Variants in STK32A observed in about 807,000 individuals in gnomAD.
The protein encoded by STK32A is serine/threonine kinase 32A, also known as serine/threonine-protein kinase 32A.
Under a neutral mutation model 53.2 loss-of-function variants are expected in STK32A, and 41 were observed. That is an observed-to-expected ratio of 0.77 (90% CI 0.60 to 1.00). The LOEUF (loss-of-function observed/expected upper bound fraction) is 1.00. Ranked by LOEUF, STK32A falls within the 50% of genes least tolerant of loss-of-function variation. The probability of loss-of-function intolerance (pLI) is 0.00; values close to 1 mark genes in which losing one functional copy is unlikely to be tolerated. For synonymous variants in STK32A, 166 were observed against 162.8 expected, an observed-to-expected ratio of 1.02 and a Z score of -0.15; for missense variants, 458 against 485.8, an observed-to-expected ratio of 0.94 and a Z score of 0.54.
At chr5:147,300,700 G>A (rs552251053) in intron 4 of STK32A, among the ~76,000 whole-genome samples, 1 of 152,130 alleles carries the variant, frequency 6.6e-6, no homozygotes, top group Non-Finnish European at 1.5e-5. Flanking sequence ...TTCTTTGCAG[G>A]TCCTGGGTTC....
At chr5:147,334,639 T>C (rs1164832171) in intron 5 of STK32A, among the ~76,000 whole-genome samples, 1 of 152,170 alleles carries the variant, frequency 6.6e-6, no homozygotes, top group Non-Finnish European at 1.5e-5. Context: ...TGGAATAAAG[T>C]ATAAAAAGGG....
intron 4 of STK32A, among the ~76,000 whole-genome samples, chr5:147,293,922 T>G (rs114316116): frequency 6.9e-6 from 1 of 145,218 alleles, no homozygotes; most frequent in Non-Finnish European, 1.5e-5. Context: ...TTTATATTAG[T>G]GTGTTGTCAA....
chr5:147,384,359 CCTT>C lies in STK32A; in HGVS notation c.*379_*381del, dbSNP rs1213883345. 9.2e-6 allele frequency: 14 copies of C among 1,514,300 alleles called. No individual in the cohort carries two copies. The highest frequency in any genetic ancestry group is 4.1e-5 in the African/African-American group (3 of 72,508). The allele number at this position is 1,514,300 out of a possible 1,614,324, so 93.8% of individuals were successfully genotyped here. The stretch of plus-strand genomic sequence containing the variant: ...ATGAATATAGATTTATTTTTCCACT[CCTT>C]CTAATTATGCAGTGACAAATGGACA... On this transcript the variant is annotated 3_prime_UTR_variant, in exon 13 of 13. Coordinates refer to ENST00000397936, the MANE Select transcript of STK32A (RefSeq NM_001112724.2).
chr5:147,400,467 C>G, the STK32A span, among the ~76,000 whole-genome samples: 1 of 152,228 alleles, frequency 6.6e-6, no homozygotes, highest in Non-Finnish European at 1.5e-5. Flanking sequence ...CTAGTCCTAA[C>G]AGTCTAGATA....
At chr5:147,276,945 C>T (rs554865426) in intron 2 of STK32A, among the ~76,000 whole-genome samples, 11 of 152,144 alleles carry the variant, frequency 7.2e-5, no homozygotes, top group African/African-American at 2.7e-4. Context: ...AATATACATG[C>T]TGCCTCACAT....
At chr5:147,258,774 G>A (rs185925374) in intron 2 of STK32A, among the ~76,000 whole-genome samples, 1 of 151,892 alleles carries the variant, frequency 6.6e-6, no homozygotes, top group East Asian at 1.9e-4. Context: ...AAGATTTGAA[G>A]TTAGGATAAT....
At chr5:147,353,958 G>A (rs912562821) in intron 7 of STK32A, among the ~76,000 whole-genome samples, 12 of 151,890 alleles carry the variant, frequency 7.9e-5, no homozygotes, top group African/African-American at 2.7e-4. Flanking sequence ...AAGGACAAGA[G>A]CAATGCCATT....
At position 147,373,193 on chromosome 5, in the gene STK32A, C is replaced by T. The variant is rs754820325; in HGVS notation, c.802C>T (p.Arg268Ter). 8.1e-6 allele frequency: 13 copies of T among 1,613,212 alleles called. No homozygotes were observed. The highest frequency in any genetic ancestry group is 2.7e-5 in the African/African-American group (2 of 74,930). ...GCTACTCGAACCTAATCCAGACCAA[C>T]GATTTTCTCAGTTATCTGATGTCCA... ...KKLLEPNPDQ[R>*]FSQLSDVQNF... The change falls in exon 10 of 13, where the codon CGA (arginine) becomes TGA (stop). Residue 268 changes from arginine to a stop codon, truncating the protein, a stop_gained. Transcript: ENST00000397936. LOFTEE classifies it high-confidence loss of function.
At chr5:147,273,930 T>C (rs1267240668) in intron 2 of STK32A, among the ~76,000 whole-genome samples, 1 of 152,052 alleles carries the variant, frequency 6.6e-6, no homozygotes, top group Non-Finnish European at 1.5e-5. Context: ...AGATAGAAAG[T>C]GACATAAAAA....
At chr5:147,401,659 G>C in the STK32A span, 1 of 1,614,122 alleles carries the variant, frequency 6.2e-7, no homozygotes, top group Non-Finnish European at 8.5e-7. Context: ...CATCTATGCC[G>C]AGGCTGGCAG....
At chr5:147,350,394 C>T (rs1755912804) in intron 6 of STK32A, among the ~76,000 whole-genome samples, 3 of 151,544 alleles carry the variant, frequency 2.0e-5, no homozygotes, top group South Asian at 4.2e-4. Flanking sequence ...GATAGTCTCA[C>T]TCTGTCACCC....
the STK32A span, among the ~76,000 whole-genome samples, chr5:147,395,948 C>T: frequency 6.6e-6 from 1 of 151,986 alleles, no homozygotes; most frequent in South Asian, 2.1e-4. Flanking sequence ...AGATGAGCTT[C>T]GATCAGAAGG....
At chr5:147,339,847 C>T (rs551073730) in intron 5 of STK32A, among the ~76,000 whole-genome samples, 1 of 151,558 alleles carries the variant, frequency 6.6e-6, no homozygotes, top group African/African-American at 2.5e-5. Context: ...TTACCCACTG[C>T]CTGTAACCCC....
At chr5:147,241,247 G>A (rs1177281222) in intron 2 of STK32A, among the ~76,000 whole-genome samples, 1 of 152,188 alleles carries the variant, frequency 6.6e-6, no homozygotes, top group Non-Finnish European at 1.5e-5. Context: ...GGGAGGCCGA[G>A]GCGGGCGGAT....
intron 7 of STK32A, among the ~76,000 whole-genome samples, chr5:147,352,550 G>A (rs1756032018): frequency 6.6e-6 from 1 of 152,102 alleles, no homozygotes; most frequent in African/African-American, 2.4e-5. Flanking sequence ...TGTCCTCGAG[G>A]GGGCACACAG....
intron 2 of STK32A, among the ~76,000 whole-genome samples, chr5:147,261,223 A>G (rs1754556321): frequency 6.6e-6 from 1 of 152,186 alleles, no homozygotes. Flanking sequence ...TAGTGCCACA[A>G]AAGGAATAGC....
intron 5 of STK32A, among the ~76,000 whole-genome samples, chr5:147,335,373 T>G (rs961720073): frequency 6.6e-6 from 1 of 152,162 alleles, no homozygotes. Flanking sequence ...AATCCAGATG[T>G]GTGCTGGACT....
rs1460932142 is a variant in STK32A, at chr5:147,385,996, A to T, written c.*2013A>T. 1 of 152,232 alleles carries T rather than the reference A, an allele frequency of 6.6e-6. No individual in the cohort carries two copies. The highest frequency in any genetic ancestry group is 1.5e-5 in the Non-Finnish European group (1 of 68,032). 9.4% of individuals were successfully genotyped at this position (152,232 alleles called of 1,614,324 possible). ...CTGGGGCAACCAAGTATGTGTAGAA[A>T]GCCAGAGCTAAACTTCAGCTTGGCA... On this transcript the variant is annotated 3_prime_UTR_variant, in exon 13 of 13. Coordinates refer to ENST00000397936, the MANE Select transcript of STK32A (RefSeq NM_001112724.2).
chr5:147,329,724 T>C (rs1432689461), intron 5 of STK32A, among the ~76,000 whole-genome samples: 2 of 152,190 alleles, frequency 1.3e-5, no homozygotes, highest in Non-Finnish European at 2.9e-5. Context: ...CTCTGGACCA[T>C]GATATTCTAT....
Sources: gnomAD v4.1 joint callset for allele counts (sites outside exome capture counted in the v4.1 genomes callset) on GRCh38, gnomAD v4.1.1 for gene constraint, MANE v1.5 for transcripts, NCBI Gene and HGNC (gene_info 2026-07-23, HGNC 2026-07-21) for gene names.